Variants in CTTNBP2 observed in about 807,000 individuals in gnomAD.
The protein encoded by CTTNBP2 is cortactin-binding protein 2.
A neutral mutation model predicts 156.9 loss-of-function variants in CTTNBP2; 108 were observed. The ratio of observed to expected loss-of-function variants is 0.69; its 90% CI spans 0.59 to 0.81. The LOEUF (loss-of-function observed/expected upper bound fraction) is 0.81. Ranked by LOEUF, CTTNBP2 falls within the 30% of genes least tolerant of loss-of-function variation. The pLI is 0.00. For missense variants in CTTNBP2, 1,924 were observed against 2,035.4 expected (o/e 0.95, Z 1.05); for synonymous variants, 767 against 751.8 (o/e 1.02, Z -0.33).
intron 19 of CTTNBP2, among the ~76,000 whole-genome samples, chr7:117,722,055 T>A (rs1213797106): frequency 6.6e-6 from 1 of 152,244 alleles, no homozygotes; most frequent in Admixed American, 6.5e-5. Context: ...TCTTTAGTCA[T>A]ACTTCTGTCA....
chr7:117,842,369 T>G lies in CTTNBP2; in HGVS notation c.189+18840A>C, dbSNP rs570648683. On this transcript the variant is annotated intron_variant, in intron 2 of 22. Transcript: ENST00000160373. ...GCACCTGCCACCACATCTGGCTAAT[T>G]TTTTTGTATTTTTAGTAGAGACGGG... Among the ~76,000 whole-genome samples, 11 of 152,112 alleles carry G rather than the reference T, an allele frequency of 7.2e-5. No homozygotes were observed. In the East Asian group the frequency reaches 1.9e-3, roughly 27 times the overall value.
intron 1 of CTTNBP2, among the ~76,000 whole-genome samples, chr7:117,863,677 C>T (rs937247032): frequency 2.6e-5 from 4 of 152,184 alleles, no homozygotes; most frequent in African/African-American, 7.2e-5. Context: ...GAATTCCTAA[C>T]GTCTACCCTG....
At chr7:117,796,870 A>T (rs1799351889) in intron 3 of CTTNBP2, among the ~76,000 whole-genome samples, 1 of 152,234 alleles carries the variant, frequency 6.6e-6, no homozygotes, top group African/African-American at 2.4e-5. Context: ...TTCTGCTACC[A>T]GTAATGGAGA....
At position 117,763,642 on chromosome 7, in the gene CTTNBP2, C is replaced by A. The variant is rs1412898682; in HGVS notation, c.2897-2932G>T. 1.4e-4 allele frequency among the ~76,000 whole-genome samples: 21 copies of A among 148,420 alleles called. No individual in the cohort carries two copies. The Admixed American group carries it at 1.4e-3, about 10-fold the overall frequency. ...GTGGTGCCACCTTGACTCACTGCAG[C>A]CTTGACCTCCCTGGCTCAGGTAATC... On this transcript the variant is annotated intron_variant, in intron 9 of 22. Transcript: ENST00000160373.
chr7:117,739,649 A>T (rs1795889809), intron 14 of CTTNBP2, among the ~76,000 whole-genome samples: 1 of 152,054 alleles, frequency 6.6e-6, no homozygotes, highest in Admixed American at 6.6e-5. Context: ...CTAAACCCAA[A>T]CTGCTTTGTG....
At chr7:117,855,940 C>T (rs1208406800) in intron 2 of CTTNBP2, among the ~76,000 whole-genome samples, 1 of 152,166 alleles carries the variant, frequency 6.6e-6, no homozygotes, top group African/African-American at 2.4e-5. Flanking sequence ...TTTATGCCTG[C>T]TACATAATAG....
At chr7:117,828,760 A>G (rs769299523) in intron 2 of CTTNBP2, among the ~76,000 whole-genome samples, 1 of 152,228 alleles carries the variant, frequency 6.6e-6, no homozygotes, top group African/African-American at 2.4e-5. Context: ...CTATGTGTAT[A>G]CAATTTTTCT....
intron 2 of CTTNBP2, among the ~76,000 whole-genome samples, chr7:117,846,717 A>G (rs1163685557): frequency 6.6e-6 from 1 of 152,200 alleles, no homozygotes; most frequent in Non-Finnish European, 1.5e-5. Flanking sequence ...CATAATTATA[A>G]TTACTAACAA....
rs1796895168 is a variant in CTTNBP2 at position 117,756,568 on chromosome 7, T to C, written c.3335A>G (p.Asn1112Ser). ...GTGTCCACCTACCAGCCTGAGGTAG[T>C]TCTGCATCATCTGGAGAGGGATCAT... ...ASMIPLQMMQNYLRLVEQYHN... is the reference protein window; with the variant it reads ...ASMIPLQMMQSYLRLVEQYHN... The change falls in exon 12 of 23, where the codon AAC becomes AGC. Residue 1112 changes from asparagine to serine, a missense_variant. Asn to Ser is a conservative substitution (Grantham distance 46, BLOSUM62 1). Coordinates refer to ENST00000160373, the MANE Select transcript of CTTNBP2 (RefSeq NM_033427.3). 6.2e-7 allele frequency: 1 copy of C among 1,612,872 alleles called. No homozygotes were observed. Among genetic ancestry groups the C allele is most frequent in the Non-Finnish European group, 8.5e-7 (1 of 1,179,016 alleles).
chr7:117,777,417 A>C (rs1178243225), intron 8 of CTTNBP2, 94 bp downstream of exon 8: 1 of 1,274,370 alleles, frequency 7.8e-7, no homozygotes, highest in East Asian at 2.3e-5. Context: ...TCAGTCTCCA[A>C]TTATTCAATT....
At chr7:117,734,784 C>A in intron 16 of CTTNBP2, 129 bp downstream of exon 16, 2 of 588,318 alleles carry the variant, frequency 3.4e-6, no homozygotes, top group Non-Finnish European at 5.6e-6. Context: ...TGTTTTTTGG[C>A]CCTTGAATGT....
At chr7:117,732,145 T>G (rs1795435956) in intron 16 of CTTNBP2, among the ~76,000 whole-genome samples, 1 of 152,158 alleles carries the variant, frequency 6.6e-6, no homozygotes, top group African/African-American at 2.4e-5. Context: ...GATAAAATGC[T>G]AACGTCACCA....
chr7:117,724,984 A>T lies in CTTNBP2; in HGVS notation c.4261+68T>A. The stretch of plus-strand genomic sequence containing the variant: ...AATTACAAAGAAAGAAAGCTCTCTA[A>T]AAACAGCTTTTAAAAGGTATTTCAC... On this transcript the variant is annotated intron_variant, in intron 18 of 22. Coordinates refer to ENST00000160373, the MANE Select transcript of CTTNBP2 (RefSeq NM_033427.3). 2.1e-6 allele frequency: 3 copies of T among 1,441,674 alleles called. No homozygotes were observed. In the Admixed American group the frequency reaches 5.2e-5, roughly 25 times the overall value. The allele number at this position is 1,441,674 out of a possible 1,614,324, so 89.3% of individuals were successfully genotyped here. A position where few individuals can be genotyped will look rare whatever the true frequency, so the allele number is the denominator to read the frequency against.
At chr7:117,834,469 AT>A (rs1190874887) in intron 2 of CTTNBP2, among the ~76,000 whole-genome samples, 1 of 152,230 alleles carries the variant, frequency 6.6e-6, no homozygotes, top group African/African-American at 2.4e-5. Flanking sequence ...CTGAGAACTT[AT>A]GCTAATATCC....
chr7:117,759,293 G>T (rs1351159793), intron 10 of CTTNBP2, among the ~76,000 whole-genome samples: 1 of 151,984 alleles, frequency 6.6e-6, no homozygotes, highest in Non-Finnish European at 1.5e-5. Context: ...AAATTGTTTT[G>T]TAAATATGAG....
rs185248756 is a variant in CTTNBP2 at position 117,767,115 on chromosome 7, T to C, written c.2840A>G (p.Asn947Ser). The change falls in exon 9 of 23, where the codon AAT (asparagine) becomes AGT (serine). Residue 947 changes from asparagine (N) to serine (S), a missense_variant. Coordinates refer to ENST00000160373, the MANE Select transcript of CTTNBP2 (RefSeq NM_033427.3). ...GLEPERRDKC[N>S]RTVHDVATDD... ...AGTGGCAACATCATGCACAGTCCGA[T>C]TGCACTTGTCTCTCCTTTCTGGCTC... 8.3e-5 allele frequency: 134 copies of C among 1,613,384 alleles called. No homozygotes were observed. In the East Asian group the frequency reaches 1.1e-3, roughly 13 times the overall value.
At chr7:117,807,562 T>C (rs1034492474) in intron 3 of CTTNBP2, among the ~76,000 whole-genome samples, 3 of 152,208 alleles carry the variant, frequency 2.0e-5, no homozygotes, top group Middle Eastern at 3.2e-3. Flanking sequence ...TTCTCCCCTG[T>C]AGAAGCTAAA....
chr7:117,834,990 G>T lies in CTTNBP2; in HGVS notation c.190-24001C>A, dbSNP rs114143394. ...TTGCCTCTTGGAAATGCCTCAAAAT[G>T]ATGCAGCAGTGTTCCAATTTTCCTA... On this transcript the variant is annotated intron_variant, in intron 2 of 22. Transcript: ENST00000160373. Among the ~76,000 whole-genome samples the T allele has an allele frequency of 4.6e-3, 700 of 152,312 alleles. 7 individuals are homozygous for T. The highest frequency in any genetic ancestry group is 0.016 in the African/African-American group (659 of 41,556).
At chr7:117,786,071 C>T (rs918624172) in intron 4 of CTTNBP2, among the ~76,000 whole-genome samples, 12 of 152,000 alleles carry the variant, frequency 7.9e-5, no homozygotes, top group African/African-American at 2.4e-4. Flanking sequence ...ATTACTTGCC[C>T]TAAATTATCT....
Sources: allele counts gnomAD v4.1 joint callset (sites outside exome capture counted in the v4.1 genomes callset), GRCh38; gene constraint gnomAD v4.1.1; transcripts MANE v1.5; gene names NCBI Gene and HGNC (gene_info 2026-07-23, HGNC 2026-07-21).